Variants in SNRPN observed in about 807,000 individuals in gnomAD.
The protein encoded by SNRPN is small nuclear ribonucleoprotein-associated protein N.
Under a neutral mutation model 25.2 loss-of-function variants are expected in SNRPN, and 7 were observed. The observed-to-expected ratio is 0.28, with a 90% CI of 0.16 to 0.52. SNRPN has a LOEUF of 0.52. Among genes scored for constraint, SNRPN ranks in the 20% least tolerant of loss-of-function variants. The pLI, the probability that SNRPN is intolerant of heterozygous loss-of-function variation, is 0.96. For missense variants in SNRPN, 196 were observed against 322.5 expected, an observed-to-expected ratio of 0.61 and a Z score of 3.00; for synonymous variants, 124 against 110.6, an observed-to-expected ratio of 1.12 and a Z score of -0.76.
chr15:24,975,181 T>A (rs1481820851), intron 4 of SNRPN, among the ~76,000 whole-genome samples, 177 bp from the exon 5 acceptor site: 1 of 152,100 alleles, frequency 6.6e-6, no homozygotes, highest in Admixed American at 6.5e-5. Flanking sequence ...TCATAATCCT[T>A]TGTGGTCCTC....
At position 24,929,125 on chromosome 15, in the gene SNRPN, G is replaced by C. The variant is rs1162369851; in HGVS notation, c.-391+9001G>C. On this transcript the variant is annotated intron_variant, in intron 3 of 11. Transcript: ENST00000400097. The surrounding 1 kb of genome is among the most constrained non-coding windows in gnomAD (Gnocchi z 5.3). ...CAGATATACGGGATATAAAGATATA[G>C]CTATATGTATGTGACTATATGTATT... is the stretch of plus-strand genomic sequence containing the variant. 6.6e-6 allele frequency among the ~76,000 whole-genome samples: 1 copy of C among 152,138 alleles called. No individual in the cohort carries two copies. The highest frequency in any genetic ancestry group is 2.1e-4 in the South Asian group (1 of 4,828).
chr15:24,962,329 C>T (rs1259889502), intron 2 of SNRPN, 120 bp downstream of exon 2: 4 of 778,056 alleles, frequency 5.1e-6, no homozygotes, highest in African/African-American at 1.7e-5. Flanking sequence ...ACATCTAATA[C>T]AGAAGATGTA....
Position 24,977,784 on chromosome 15 carries a change from A to T in SNRPN, c.427A>T (p.Thr143Ser), listed in dbSNP as rs376675210. 6.2e-7 allele frequency: 1 copy of T among 1,602,350 alleles called. No individual in the cohort carries two copies. Among genetic ancestry groups the T allele is most frequent in the African/African-American group, 1.3e-5 (1 of 74,338 alleles). ...GVGGPSQQVM[T>S]PQGRGTVAAA... ...TCCCGCCCTGCCTTCTCAGGTAATGACTCCACAGGGAAGAGGCACTGTAGC... is the reference window on the plus strand; with the variant it reads ...TCCCGCCCTGCCTTCTCAGGTAATGTCTCCACAGGGAAGAGGCACTGTAGC... The change falls in exon 8 of 10, where the codon ACT becomes TCT. Residue 143 changes from threonine (T) to serine (S), a missense_variant. Physicochemically the swap from Thr to Ser is moderately conservative, Grantham distance 58. Coordinates refer to ENST00000390687, the MANE Select transcript of SNRPN (RefSeq NM_003097.6).
intron 1 of SNRPN, among the ~76,000 whole-genome samples, chr15:24,866,464 C>G (rs2054582497): frequency 6.6e-6 from 1 of 152,120 alleles, no homozygotes; most frequent in African/African-American, 2.4e-5. Context: ...GTGGTTTGAT[C>G]ACAGCTCACT....
intron 1 of SNRPN, chr15:24,958,919 T>C (rs2074321481): frequency 2.6e-5 from 4 of 153,222 alleles, no homozygotes; most frequent in South Asian, 2.1e-4. Flanking sequence ...GGTCTCCTTA[T>C]GTTGCCCAGA....
intron 3 of SNRPN, among the ~76,000 whole-genome samples, chr15:24,939,685 G>A (rs1015661091): frequency 6.6e-5 from 10 of 151,596 alleles, no homozygotes; most frequent in Non-Finnish European, 7.4e-5. Context: ...CACCCACCTC[G>A]GCCTCCCAAA....
chr15:24,870,966 C>T lies in SNRPN; in HGVS notation c.-579+14250C>T, dbSNP rs561262607. ...TGTGTTCTTGGCTCACTGCAGCCTC[C>T]GCCTCCCAGGTTCCAGCAATTATCT... On this transcript the variant is annotated intron_variant, in intron 1 of 11. Transcript: ENST00000400097. Among the ~76,000 whole-genome samples, 14 of 151,910 alleles carry T rather than the reference C, an allele frequency of 9.2e-5. 1 individual carries two copies. Among genetic ancestry groups the T allele is most frequent in the South Asian group, 4.2e-4 (2 of 4,792 alleles).
At chr15:24,846,746 A>G (rs1452907614) in intron 2 of SNRPN, among the ~76,000 whole-genome samples, 1 of 152,198 alleles carries the variant, frequency 6.6e-6, no homozygotes, top group Non-Finnish European at 1.5e-5. Flanking sequence ...GGAAGTTAGA[A>G]ATCTATGTCA....
upstream of SNRPN, chr15:24,954,856 CCGGT>C (rs1462322137): frequency 1.1e-5 from 8 of 731,308 alleles, no homozygotes; most frequent in Non-Finnish European, 1.8e-5. Flanking sequence ...CCAGGTCATT[CCGGT>C]GAGGGAGGGA....
intron 3 of SNRPN, among the ~76,000 whole-genome samples, chr15:24,941,540 C>T (rs1204881064): frequency 2.0e-5 from 3 of 152,144 alleles, no homozygotes; most frequent in South Asian, 2.1e-4. Context: ...GCCTGAATTT[C>T]GTTGTTAGAG....
Position 24,896,586 on chromosome 15 carries a change from C to A in SNRPN, c.-505+9997C>A, listed in dbSNP as rs568580409. The stretch of plus-strand genomic sequence containing the variant: ...AAAACTAGCTAGGTGTGGTGGCGGG[C>A]GCCTGTAGTTCCAGCTACTCGGGAG... On this transcript the variant is annotated intron_variant, in intron 2 of 11. Transcript: ENST00000400097. Among the ~76,000 whole-genome samples the A allele has an allele frequency of 1.9e-3, 293 of 152,058 alleles. 3 individuals carry two copies. In the Middle Eastern group the frequency reaches 0.034, roughly 18 times the overall value.
chr15:24,950,043 G>C (rs1314442563), upstream of SNRPN, among the ~76,000 whole-genome samples: 1 of 151,998 alleles, frequency 6.6e-6, no homozygotes, highest in Non-Finnish European at 1.5e-5. Flanking sequence ...GGAGATCTTG[G>C]ACTCCTGAGT....
intron 2 of SNRPN, among the ~76,000 whole-genome samples, chr15:24,889,459 C>G (rs942136665): frequency 1.3e-5 from 2 of 151,726 alleles, no homozygotes. Context: ...CCTGCCACCA[C>G]GCCCAGCTAA....
At chr15:24,915,627 A>T (rs1438538163) in intron 2 of SNRPN, among the ~76,000 whole-genome samples, 1 of 152,118 alleles carries the variant, frequency 6.6e-6, no homozygotes, top group Non-Finnish European at 1.5e-5. Flanking sequence ...TTGTTTTCCC[A>T]GTGTTGATGT....
chr15:24,899,858 T>C (rs116653856), intron 2 of SNRPN, among the ~76,000 whole-genome samples: 1,657 of 152,324 alleles, frequency 0.011, 26 homozygotes, highest in African/African-American at 0.038. Context: ...TCTTGTGTTT[T>C]GTCTGCCTCC....
intron 3 of SNRPN, among the ~76,000 whole-genome samples, chr15:24,949,904 T>G (rs941525426): frequency 4.6e-5 from 7 of 151,958 alleles, no homozygotes; most frequent in Admixed American, 2.6e-4. Flanking sequence ...CATAGTTCAC[T>G]GCAGCCTCAA....
At chr15:24,925,434 A>AC (rs921637324) in intron 3 of SNRPN, among the ~76,000 whole-genome samples, 6 of 151,872 alleles carry the variant, frequency 4.0e-5, no homozygotes, top group East Asian at 1.9e-4. Flanking sequence ...ACAAAGCAAG[A>AC]CCCCATCTCT....
At chr15:24,942,883 A>G (rs1043967744) in intron 3 of SNRPN, among the ~76,000 whole-genome samples, 2 of 152,202 alleles carry the variant, frequency 1.3e-5, no homozygotes, top group African/African-American at 2.4e-5. Flanking sequence ...CATCCCTGCC[A>G]TCATGGCCAC....
At chr15:24,922,356 T>G (rs2060082182) in intron 3 of SNRPN, among the ~76,000 whole-genome samples, 1 of 152,302 alleles carries the variant, frequency 6.6e-6, no homozygotes, top group African/African-American at 2.4e-5. Flanking sequence ...ACCCAGAAAT[T>G]TCAGGTCTAC....
Sources: gnomAD v4.1 joint callset for allele counts (sites outside exome capture counted in the v4.1 genomes callset) on GRCh38, gnomAD v4.1.1 for gene constraint, Gnocchi (gnomAD v3.1) non-coding constraint, MANE v1.5 for transcripts, NCBI Gene and HGNC (gene_info 2026-07-23, HGNC 2026-07-21) for gene names.